The following RAP2C variants were observed in gnomAD, a reference collection of about 807,000 sequenced individuals.
RAP2C encodes the protein RAP2C, member of RAS oncogene family.
A neutral mutation model predicts 8.9 loss-of-function variants in RAP2C; 3 were observed. The ratio of observed to expected loss-of-function variants is 0.34; its 90% confidence interval spans 0.15 to 0.87. The LOEUF (loss-of-function observed/expected upper bound fraction) is 0.87, where lower values mean the gene tolerates loss of function less well. Ranked by LOEUF, RAP2C falls within the 40% of genes least tolerant of loss-of-function variation. RAP2C has a pLI of 0.51. For missense variants in RAP2C, 76 were observed against 133.7 expected (o/e 0.57, Z 2.13); for synonymous variants, 60 against 52.1 (o/e 1.15, Z -0.65).
rs1233815016 is a variant in RAP2C, at chrX:132,218,273, T to TGAGC, written c.-681_-678dup. On this transcript the variant is annotated 5_prime_UTR_variant, in exon 2 of 6. Transcript: ENST00000370874. ...GGGTGGCGCTGGAGCCGCGCCCTGCTGAGCGAGCGAGCCGGCCGGGGACGG... is the reference window on the plus strand; with the variant it reads ...GGGTGGCGCTGGAGCCGCGCCCTGCTGAGCGAGCGAGCGAGCCGGCCGGGGACGG... The TGAGC allele has an allele frequency of 9.2e-6, 1 of 108,905 alleles. No homozygotes were observed. The highest frequency in any genetic ancestry group is 1.9e-5 in the Non-Finnish European group (1 of 52,171). The allele number at this position is 108,905 out of a possible 1,213,427, so 9.0% of individuals were successfully genotyped here.
intron 5 of RAP2C, among the ~76,000 whole-genome samples, chrX:132,208,193 A>G (rs1275559221): frequency 9.0e-6 from 1 of 111,505 alleles, no homozygotes; most frequent in Non-Finnish European, 1.9e-5. Flanking sequence ...CTAGCACATC[A>G]TTTCACATGG....
Position 132,205,393 on chromosome X carries a change from A to G in RAP2C, c.*229T>C, listed in dbSNP as rs937974648. 13 of 112,335 alleles carry G rather than the reference A, an allele frequency of 1.2e-4. No homozygotes were observed. The highest frequency in any genetic ancestry group is 3.6e-4 in the African/African-American group (11 of 30,817). 9.3% of individuals were successfully genotyped at this position (112,335 alleles called of 1,213,427 possible). A position where few individuals can be genotyped will look rare whatever the true frequency, so the allele number is the denominator to read the frequency against. Reference sequence around the variant, plus strand: ...AAAAGGACTGATTGATAAAGAATGGATTTTAAACGTATGGTAAACGTGCTA... The same window carrying G: ...AAAAGGACTGATTGATAAAGAATGGGTTTTAAACGTATGGTAAACGTGCTA... On this transcript the variant is annotated 3_prime_UTR_variant, in exon 6 of 6. Coordinates refer to ENST00000370874, the MANE Select transcript of RAP2C (RefSeq NM_001271186.2).
rs775517362 is a variant in RAP2C, at chrX:132,204,750, G to A, written c.*872C>T. On this transcript the variant is annotated 3_prime_UTR_variant, in exon 6 of 6. Transcript: ENST00000370874. ...GCAAAGATGAGCTATCTCTGTTTAG[G>A]TATACAATTAATTTACCATGGATAC... 3.6e-5 allele frequency: 4 copies of A among 110,797 alleles called. No individual in the cohort carries two copies. The highest frequency in any genetic ancestry group is 7.6e-5 in the Non-Finnish European group (4 of 52,813). 9.1% of individuals were successfully genotyped at this position (110,797 alleles called of 1,213,427 possible). A position where few individuals can be genotyped will look rare whatever the true frequency, so the allele number is the denominator to read the frequency against.
Position 132,214,466 on chromosome X carries a change from GAGAA to G in RAP2C, c.274-24_274-21del. 1 of 1,188,897 alleles carries G rather than the reference GAGAA, an allele frequency of 8.4e-7. No homozygotes were observed. The highest frequency in any genetic ancestry group is 1.1e-6 in the Non-Finnish European group (1 of 883,602). On this transcript the variant is annotated intron_variant, in intron 4 of 5. Transcript: ENST00000370874. The stretch of plus-strand genomic sequence containing the variant: ...GATATCCTATTCAAGCAATCACAAA[GAGAA>G]AGAAAAACATTATGCTGTTTGTATA...
intron 5 of RAP2C, among the ~76,000 whole-genome samples, 155 bp from the exon 6 acceptor site, chrX:132,205,742 T>TA (rs1171433876): frequency 2.8e-5 from 3 of 109,089 alleles, no homozygotes; most frequent in Non-Finnish European, 3.8e-5. Flanking sequence ...GATAAGTCAT[T>TA]AAAAAAAAAT....
At chrX:132,210,813 A>G (rs773828089) in intron 5 of RAP2C, among the ~76,000 whole-genome samples, 72 of 112,068 alleles carry the variant, frequency 6.4e-4, no homozygotes, top group African/African-American at 2.1e-3. Context: ...CCAAAAGGAT[A>G]TATCAAACTG....
intron 5 of RAP2C, among the ~76,000 whole-genome samples, chrX:132,208,527 G>A (rs1264890383): frequency 9.1e-6 from 1 of 109,991 alleles, no homozygotes; most frequent in Non-Finnish European, 1.9e-5. Context: ...TTAATAAATT[G>A]TTATTTTAAT....
chrX:132,217,407 GGAA>G lies in RAP2C; in HGVS notation c.-142_-140del. The G allele has an allele frequency of 2.2e-6, 1 of 448,919 alleles. No homozygotes were observed. Among genetic ancestry groups the G allele is most frequent in the Non-Finnish European group, 3.4e-6 (1 of 290,114 alleles). 37.0% of individuals were successfully genotyped at this position (448,919 alleles called of 1,213,427 possible). A position where few individuals can be genotyped will look rare whatever the true frequency, so the allele number is the denominator to read the frequency against. On this transcript the variant is annotated 5_prime_UTR_variant, in exon 4 of 6. Coordinates refer to ENST00000370874, the MANE Select transcript of RAP2C (RefSeq NM_001271186.2). ...GCAGAGGAGCAGAGGGCCCAACCGGGGAAGAAGAGGAAGTTACAGGAGGGGGAG... is the reference window on the plus strand; with the variant it reads ...GCAGAGGAGCAGAGGGCCCAACCGGGGAAGAGGAAGTTACAGGAGGGGGAG...
At chrX:132,205,798 C>CGT (rs1275006100) in intron 5 of RAP2C, among the ~76,000 whole-genome samples, 2 of 108,449 alleles carry the variant, frequency 1.8e-5, no homozygotes, top group African/African-American at 6.7e-5. Flanking sequence ...TTTGTGTGTG[C>CGT]GTGTGTGTGC....
At chrX:132,207,114 T>C (rs1012531467) in intron 5 of RAP2C, among the ~76,000 whole-genome samples, 4 of 111,703 alleles carry the variant, frequency 3.6e-5, no homozygotes, top group Non-Finnish European at 7.5e-5. Context: ...TCATTATATA[T>C]GCAGTATTAT....
At position 132,217,218 on chromosome X, in the gene RAP2C, A is replaced by C. The variant is rs1930632076; in HGVS notation, c.51T>G (p.Ser17=). The C allele has an allele frequency of 1.7e-6, 2 of 1,161,636 alleles. No individual in the cohort carries two copies. Among genetic ancestry groups the C allele is most frequent in the Admixed American group, 2.5e-5 (1 of 40,755 alleles). ...CAGTGACAAACTGCACAGTAAGGGC[A>C]GATTTGCCAACCCCTCCACTCCCTA... is the stretch of plus-strand genomic sequence containing the variant. The part of the protein sequence containing the change: ...VVLGSGGVGK[S]ALTVQFVTGT... The change falls in exon 4 of 6, where the codon TCT becomes TCG. Residue 17 remains serine, a synonymous_variant. Coordinates refer to ENST00000370874, the MANE Select transcript of RAP2C (RefSeq NM_001271186.2).
intron 5 of RAP2C, among the ~76,000 whole-genome samples, chrX:132,210,360 C>G (rs1930394743): frequency 9.0e-6 from 1 of 111,213 alleles, no homozygotes; most frequent in Non-Finnish European, 1.9e-5. Context: ...TTAAAAAACC[C>G]TGAAAATGTT....
In RAP2C at chrX:132,203,702, C is replaced by T. The variant is rs958301456; in HGVS notation, c.*1920G>A. The T allele has an allele frequency of 7.1e-5, 8 of 112,288 alleles. No individual in the cohort carries two copies. Among genetic ancestry groups the T allele is most frequent in the Non-Finnish European group, 1.5e-4 (8 of 53,131 alleles). 9.3% of individuals were successfully genotyped at this position (112,288 alleles called of 1,213,427 possible). On this transcript the variant is annotated 3_prime_UTR_variant, in exon 6 of 6. Coordinates refer to ENST00000370874, the MANE Select transcript of RAP2C (RefSeq NM_001271186.2). ...ATAACAATGATCCATGATCACTTAACCTACTTTTAAATGAGTGTTTGGTTT... is the reference window on the plus strand; with the variant it reads ...ATAACAATGATCCATGATCACTTAATCTACTTTTAAATGAGTGTTTGGTTT...
At chrX:132,213,594 TTTGTTA>T (rs1035855702) in intron 5 of RAP2C, among the ~76,000 whole-genome samples, 3 of 111,987 alleles carry the variant, frequency 2.7e-5, no homozygotes, top group African/African-American at 9.7e-5. Flanking sequence ...GGCACTATAA[TTTGTTA>T]TTATCAGAGG....
intron 4 of RAP2C, 49 bp downstream of exon 4, chrX:132,216,947 C>T: frequency 9.2e-7 from 1 of 1,082,551 alleles, no homozygotes; most frequent in Admixed American, 3.4e-5. Context: ...AAGTCGATGT[C>T]GGATTACCAC....
At position 132,217,328 on chromosome X, in the gene RAP2C, C is replaced by G; in HGVS notation, c.-60G>C. The G allele has an allele frequency of 8.9e-6, 9 of 1,010,625 alleles. No individual in the cohort carries two copies. The highest frequency in any genetic ancestry group is 1.2e-5 in the Non-Finnish European group (9 of 774,026). 83.3% of individuals were successfully genotyped at this position (1,010,625 alleles called of 1,213,427 possible). A position where few individuals can be genotyped will look rare whatever the true frequency, so the allele number is the denominator to read the frequency against. On this transcript the variant is annotated 5_prime_UTR_variant, in exon 4 of 6. Transcript: ENST00000370874. Reference sequence around the variant, plus strand: ...GGAAAGATCACCCCGCTAGCTGTGGCGCGGCTAGACGAGGCGGAAGGTGGG... The same window carrying G: ...GGAAAGATCACCCCGCTAGCTGTGGGGCGGCTAGACGAGGCGGAAGGTGGG...
At chrX:132,212,076 T>C (rs1184792945) in intron 5 of RAP2C, among the ~76,000 whole-genome samples, 2 of 110,553 alleles carry the variant, frequency 1.8e-5, no homozygotes, top group African/African-American at 6.6e-5. Context: ...TAGTGCACTT[T>C]GTTCTAAAAG....
chrX:132,216,338 GAA>G (rs1930579678), intron 4 of RAP2C, among the ~76,000 whole-genome samples: 1 of 111,656 alleles, frequency 9.0e-6, no homozygotes, highest in South Asian at 3.7e-4. Flanking sequence ...ATCAACTGCA[GAA>G]AAAGAGTCAT....
At position 132,207,307 on chromosome X, in the gene RAP2C, C is replaced by G. The variant is rs906922579; in HGVS notation, c.*35-1720G>C. Among the ~76,000 whole-genome samples the G allele has an allele frequency of 1.6e-4, 18 of 111,418 alleles. No homozygotes were observed. In the East Asian group the frequency reaches 4.8e-3, roughly 30 times the overall value. ...TATTAAAGACCTCTTCAAGCATTCT[C>G]TAAAATCAAATTGAGAAAGTAGTTA... On this transcript the variant is annotated intron_variant, in intron 5 of 5. Coordinates refer to ENST00000370874, the MANE Select transcript of RAP2C (RefSeq NM_001271186.2).
Sources: gnomAD v4.1 joint callset for allele counts (sites outside exome capture counted in the v4.1 genomes callset) on GRCh38, gnomAD v4.1.1 for gene constraint, MANE v1.5 for transcripts, NCBI Gene and HGNC (gene_info 2026-07-23, HGNC 2026-07-21) for gene names.